Variants in ATP10A observed in about 807,000 individuals in gnomAD.
ATP10A encodes ATPase phospholipid transporting 10A (putative).
A neutral mutation model predicts 147.8 loss-of-function variants in ATP10A; 111 were observed. That is an observed-to-expected ratio of 0.75 (90% CI 0.64 to 0.88). The LOEUF is 0.88. Ranked by LOEUF, ATP10A falls within the 40% of genes least tolerant of loss-of-function variation. The pLI, the probability that ATP10A is intolerant of heterozygous loss-of-function variation, is 0.00. For synonymous variants in ATP10A, 875 were observed against 841.6 expected (o/e 1.04, Z -0.69); for missense variants, 1,927 against 1,959.0 (o/e 0.98, Z 0.31).
intron 13 of ATP10A, among the ~76,000 whole-genome samples, chr15:25,701,276 T>C (rs989558905): frequency 3.9e-5 from 6 of 152,010 alleles, no homozygotes; most frequent in Non-Finnish European, 7.4e-5. Flanking sequence ...AGTCCCAAGG[T>C]CCTGATAGCT....
At chr15:25,809,748 C>G (rs8041836) in intron 1 of ATP10A, among the ~76,000 whole-genome samples, 84,399 of 151,876 alleles carry the variant, frequency 0.56, 24,504 homozygotes, top group East Asian at 0.8. Flanking sequence ...TTTAATCTCT[C>G]GTCTCCAGCA....
At chr15:25,708,404 G>C (rs1446715218) in intron 10 of ATP10A, 104 bp from the exon 11 acceptor site, 7 of 952,598 alleles carry the variant, frequency 7.3e-6, no homozygotes, top group Non-Finnish European at 1.1e-5. Flanking sequence ...CTTGCGAATA[G>C]AGCACAAATT....
chr15:25,680,794 T>G lies in ATP10A; in HGVS notation c.3678+16A>C. 1 of 1,603,994 alleles carries G rather than the reference T, an allele frequency of 6.2e-7. No homozygotes were observed. Among genetic ancestry groups the G allele is most frequent in the Non-Finnish European group, 8.5e-7 (1 of 1,172,202 alleles). On this transcript the variant is annotated intron_variant, in intron 19 of 20. Transcript: ENST00000555815. ...TCAGTGCTCTTCTGAGACGTGGCCATGCAGGCGGCTCTTACCCAGGTTTTG... is the reference window on the plus strand; with the variant it reads ...TCAGTGCTCTTCTGAGACGTGGCCAGGCAGGCGGCTCTTACCCAGGTTTTG...
At chr15:25,730,049 G>A (rs1902865088) in intron 3 of ATP10A, among the ~76,000 whole-genome samples, 1 of 151,802 alleles carries the variant, frequency 6.6e-6, no homozygotes, top group African/African-American at 2.4e-5. Context: ...CCAGCACTTT[G>A]GGAGGCCGAG....
At chr15:25,752,388 A>G (rs1888199478) in intron 2 of ATP10A, among the ~76,000 whole-genome samples, 1 of 152,228 alleles carries the variant, frequency 6.6e-6, no homozygotes, top group Non-Finnish European at 1.5e-5. Flanking sequence ...TAAGTAAAAT[A>G]AGCCAGGCAC....
chr15:25,777,086 TGCATAC>T (rs1567375884), intron 2 of ATP10A, among the ~76,000 whole-genome samples: 2 of 128,602 alleles, frequency 1.6e-5, no homozygotes, highest in South Asian at 3.0e-4. Flanking sequence ...TGCGTGTGTG[TGCATAC>T]GTGCGTGTGT....
rs140323913 is a variant in ATP10A, at chr15:25,730,356, G to GGAA, written c.741-3093_741-3091dup. Among the ~76,000 whole-genome samples the GGAA allele has an allele frequency of 0.026, 18 of 692 alleles. No individual in the cohort carries two copies. The East Asian group carries it at 0.4, about 15-fold the overall frequency. 0.5% of individuals were successfully genotyped at this position (692 alleles called of 152,430 possible). A position where few individuals can be genotyped will look rare whatever the true frequency, so the allele number is the denominator to read the frequency against. ...AGAAAGAAAGAAAGGAAGGAAGGAA[G>GGAA]GAAGGACAGGGAGTTTATTCCCTGC... On this transcript the variant is annotated intron_variant, in intron 3 of 20. Coordinates refer to ENST00000555815, the MANE Select transcript of ATP10A (RefSeq NM_024490.4).
At position 25,822,578 on chromosome 15, in the gene ATP10A, G is replaced by A. The variant is rs545272005; in HGVS notation, c.449+40070C>T. On this transcript the variant is annotated intron_variant, in intron 1 of 20. Coordinates refer to ENST00000555815, the MANE Select transcript of ATP10A (RefSeq NM_024490.4). The stretch of plus-strand genomic sequence containing the variant: ...CAGAGGAGCACAAGGCCTAAGTGTC[G>A]CACCCAAATTGACACAATGAGCTTC... Among the ~76,000 whole-genome samples the A allele has an allele frequency of 3.3e-5, 5 of 152,152 alleles. No individual in the cohort carries two copies. In the East Asian group the frequency reaches 5.8e-4, roughly 18 times the overall value.
At chr15:25,713,008 C>T (rs1901538988) in intron 10 of ATP10A, among the ~76,000 whole-genome samples, 1 of 152,204 alleles carries the variant, frequency 6.6e-6, no homozygotes, top group African/African-American at 2.4e-5. Flanking sequence ...TATAGCATTT[C>T]CCAGCAGCTG....
chr15:25,713,869 G>T lies in ATP10A; in HGVS notation c.2149C>A (p.Arg717=), dbSNP rs755196001. The change falls in exon 10 of 21, where the codon CGG becomes AGG. Residue 717 remains arginine, a synonymous_variant. Coordinates refer to ENST00000555815, the MANE Select transcript of ATP10A (RefSeq NM_024490.4). The part of the protein sequence containing the change: ...ARAYNCVLVE[R]LHDQVSVELP... ...TCCACTGACACTTGGTCGTGCAGCC[G>T]CTCCACAAGCACGCAGTTGTAGGCT... 2 of 1,613,800 alleles carry T rather than the reference G, an allele frequency of 1.2e-6. No homozygotes were observed. Among genetic ancestry groups the T allele is most frequent in the Admixed American group, 3.3e-5 (2 of 60,032 alleles).
At chr15:25,742,462 C>T (rs12440235) in intron 2 of ATP10A, among the ~76,000 whole-genome samples, 11,000 of 152,268 alleles carry the variant, frequency 0.072, 954 homozygotes, top group Admixed American at 0.19. Flanking sequence ...AGAACGCAGG[C>T]GCCAGCCTCC....
At chr15:25,757,491 TA>T (rs954213529) in intron 2 of ATP10A, among the ~76,000 whole-genome samples, 2 of 152,092 alleles carry the variant, frequency 1.3e-5, no homozygotes, top group African/African-American at 4.8e-5. Context: ...TATTTTATGT[TA>T]AAAAAGAGCA....
chr15:25,857,954 T>C (rs1422817493), intron 1 of ATP10A, among the ~76,000 whole-genome samples: 1 of 141,908 alleles, frequency 7.0e-6, no homozygotes, highest in African/African-American at 2.5e-5. Flanking sequence ...ATATAGAACA[T>C]TTGGCTCATA....
Position 25,679,854 on chromosome 15 carries a change from G to C in ATP10A, c.3987C>G (p.Arg1329=). 1 of 1,610,346 alleles carries C rather than the reference G, an allele frequency of 6.2e-7. No homozygotes were observed. The highest frequency in any genetic ancestry group is 8.5e-7 in the Non-Finnish European group (1 of 1,179,932). ...SAPKETFAQG[R]LPKDSGTEHS... ...GCTCGGTTCCCGAGTCCTTCGGGAG[G>C]CGTCCCTGAGCAAAGGTCTCTTTGG... Residue 1329 remains arginine, a synonymous_variant, in exon 21 of 21, where the codon CGC becomes CGG. Transcript: ENST00000555815.
At chr15:25,858,947 T>C (rs1893636334) in intron 1 of ATP10A, among the ~76,000 whole-genome samples, 1 of 152,116 alleles carries the variant, frequency 6.6e-6, no homozygotes, top group African/African-American at 2.4e-5. Context: ...ATGAAATCAC[T>C]GGCCCAGGTC....
rs186258335 is a variant in ATP10A, at chr15:25,833,275, G to A, written c.449+29373C>T. On this transcript the variant is annotated intron_variant, in intron 1 of 20. Coordinates refer to ENST00000555815, the MANE Select transcript of ATP10A (RefSeq NM_024490.4). ...TGGGATTACAGGTGTGAGCCACTGCGCCGGGCCCATATTTTTTTATTTTTA... is the reference window on the plus strand; with the variant it reads ...TGGGATTACAGGTGTGAGCCACTGCACCGGGCCCATATTTTTTTATTTTTA... Among the ~76,000 whole-genome samples the A allele has an allele frequency of 3.1e-3, 470 of 152,020 alleles. 3 individuals carry two copies. Among genetic ancestry groups the A allele is most frequent in the African/African-American group, 0.011 (449 of 41,504 alleles).
chr15:25,837,180 TGCATTAGACCTTGAG>T (rs1892634183), intron 1 of ATP10A, among the ~76,000 whole-genome samples: 1 of 152,200 alleles, frequency 6.6e-6, no homozygotes, highest in South Asian at 2.1e-4. Context: ...CCTCATGCTG[TGCATTAGACCTTGAG>T]GCTTATTTTT....
chr15:25,674,240 G>A (rs1899095392), downstream of ATP10A, among the ~76,000 whole-genome samples: 1 of 152,228 alleles, frequency 6.6e-6, no homozygotes, highest in Non-Finnish European at 1.5e-5. Context: ...GCACCGTGGG[G>A]TCAGGGCTCT....
In ATP10A at chr15:25,680,813, G is replaced by C; in HGVS notation, c.3675C>G (p.Thr1225=). The C allele has an allele frequency of 6.2e-7, 1 of 1,612,992 alleles. No individual in the cohort carries two copies. The highest frequency in any genetic ancestry group is 2.2e-5 in the East Asian group (1 of 44,868). The change falls in exon 19 of 21, where the codon ACC becomes ACG. Residue 1225 remains threonine, a synonymous_variant. Coordinates refer to ENST00000555815, the MANE Select transcript of ATP10A (RefSeq NM_024490.4). ...FLLHLGIETK[T]WTWLNWITCG... Reference sequence around the variant, plus strand: ...TGGCCATGCAGGCGGCTCTTACCCAGGTTTTGGTTTCAATGCCCAGGTGGA... The same window carrying C: ...TGGCCATGCAGGCGGCTCTTACCCACGTTTTGGTTTCAATGCCCAGGTGGA...
Sources: gnomAD v4.1 joint callset for allele counts (sites outside exome capture counted in the v4.1 genomes callset) on GRCh38, gnomAD v4.1.1 for gene constraint, MANE v1.5 for transcripts, NCBI Gene and HGNC (gene_info 2026-07-23, HGNC 2026-07-21) for gene names.